The following XKR4 variants were observed in gnomAD, a reference collection of about 807,000 sequenced individuals.
XKR4 encodes XK-related protein 4.
A neutral mutation model predicts 53.9 loss-of-function variants in XKR4; 12 were observed. The observed-to-expected ratio is 0.22, with a 90% CI of 0.14 to 0.36. The LOEUF is 0.36. Among genes scored for constraint, XKR4 ranks in the 10% least tolerant of loss-of-function variants. The pLI is 1.00. For synonymous variants in XKR4, 354 were observed against 362.4 expected (o/e 0.98, Z 0.26); for missense variants, 799 against 859.5 (o/e 0.93, Z 0.88).
chr8:55,170,086 T>G (rs752126082), intron 1 of XKR4, among the ~76,000 whole-genome samples: 1 of 152,210 alleles, frequency 6.6e-6, no homozygotes, highest in Non-Finnish European at 1.5e-5. Context: ...ATATTCTTTA[T>G]GTACTTCAAC....
At chr8:55,328,182 C>G (rs1350702490) in intron 1 of XKR4, among the ~76,000 whole-genome samples, 1 of 152,090 alleles carries the variant, frequency 6.6e-6, no homozygotes, top group African/African-American at 2.4e-5. Flanking sequence ...GCCCTTGACA[C>G]GTGGAGGTTA....
In XKR4 at chr8:55,452,454, C is replaced by G. The variant is rs911361507; in HGVS notation, c.1007-70827C>G. On this transcript the variant is annotated intron_variant, in intron 2 of 2. Transcript: ENST00000327381. The stretch of plus-strand genomic sequence containing the variant: ...CCACCCCGCACTGCCCGCCCTCGCA[C>G]CCTCCTCACGCCCATCCGGTGGCAG... 4.8e-6 allele frequency: 3 copies of G among 628,542 alleles called. No individual in the cohort carries two copies. In the African/African-American group the frequency reaches 5.4e-5, roughly 11 times the overall value. The allele number at this position is 628,542 out of a possible 1,614,324, so 38.9% of individuals were successfully genotyped here. A position where few individuals can be genotyped will look rare whatever the true frequency, so the allele number is the denominator to read the frequency against.
At chr8:55,418,321 C>T (rs1804878989) in intron 2 of XKR4, among the ~76,000 whole-genome samples, 2 of 152,182 alleles carry the variant, frequency 1.3e-5, no homozygotes, top group Non-Finnish European at 2.9e-5. Flanking sequence ...CCTGATGGTT[C>T]TCTGCAAACA....
intron 1 of XKR4, among the ~76,000 whole-genome samples, chr8:55,280,108 A>C (rs1818820373): frequency 6.6e-6 from 1 of 152,208 alleles, no homozygotes; most frequent in Non-Finnish European, 1.5e-5. Context: ...CCCACTTTTC[A>C]AATTAAAATG....
chr8:55,341,340 CT>C (rs1407649099), intron 1 of XKR4, among the ~76,000 whole-genome samples: 2 of 152,130 alleles, frequency 1.3e-5, no homozygotes, highest in Admixed American at 6.5e-5. Flanking sequence ...CCCATTCCCA[CT>C]TTTCATTGGC....
intron 2 of XKR4, among the ~76,000 whole-genome samples, chr8:55,374,887 G>A (rs1020797072): frequency 4.6e-5 from 7 of 152,236 alleles, no homozygotes; most frequent in Admixed American, 1.3e-4. Context: ...CAGAGCACAC[G>A]TTTTAGGACA....
chr8:55,188,931 A>G (rs1400018886), intron 1 of XKR4, among the ~76,000 whole-genome samples: 1 of 152,220 alleles, frequency 6.6e-6, no homozygotes, highest in Admixed American at 6.5e-5. Context: ...GGTTATTATT[A>G]TTTATTCAGC....
intron 1 of XKR4, among the ~76,000 whole-genome samples, chr8:55,123,997 C>A (rs1816427587): frequency 6.6e-6 from 1 of 152,154 alleles, no homozygotes; most frequent in Non-Finnish European, 1.5e-5. Flanking sequence ...GTATAGCAAT[C>A]CCATGAGATC....
At chr8:55,343,037 A>C (rs1803580738) in intron 1 of XKR4, among the ~76,000 whole-genome samples, 1 of 152,212 alleles carries the variant, frequency 6.6e-6, no homozygotes. Context: ...TTTTGTCTGT[A>C]GGCACAATGC....
chr8:55,195,054 A>G (rs536240772), intron 1 of XKR4, among the ~76,000 whole-genome samples: 3 of 152,352 alleles, frequency 2.0e-5, no homozygotes, highest in African/African-American at 7.2e-5. Context: ...ATTTATGCGA[A>G]CAAGATTTTT....
intron 2 of XKR4, among the ~76,000 whole-genome samples, chr8:55,482,545 A>G (rs1806126617): frequency 7.0e-6 from 1 of 142,930 alleles, no homozygotes; most frequent in Admixed American, 6.8e-5. Flanking sequence ...TTAAAGTATA[A>G]TAATGATAAA....
intron 1 of XKR4, among the ~76,000 whole-genome samples, chr8:55,171,281 T>C (rs1446324083): frequency 1.3e-5 from 2 of 152,174 alleles, no homozygotes; most frequent in African/African-American, 4.8e-5. Context: ...TGATAGAAAA[T>C]GTGTCCTTAC....
intron 1 of XKR4, among the ~76,000 whole-genome samples, chr8:55,134,699 A>G (rs1191179924): frequency 6.6e-6 from 1 of 152,192 alleles, no homozygotes; most frequent in Non-Finnish European, 1.5e-5. Flanking sequence ...CTTCATTTGT[A>G]TGTGGAGTAA....
At chr8:55,323,493 G>A (rs1054264457) in intron 1 of XKR4, among the ~76,000 whole-genome samples, 1 of 152,130 alleles carries the variant, frequency 6.6e-6, no homozygotes, top group Non-Finnish European at 1.5e-5. Context: ...CTTGAGATTT[G>A]AGATTTAGCC....
At chr8:55,395,873 C>A (rs1038580918) in intron 2 of XKR4, among the ~76,000 whole-genome samples, 1 of 152,156 alleles carries the variant, frequency 6.6e-6, no homozygotes, top group Non-Finnish European at 1.5e-5. Context: ...CAACAACAGA[C>A]ATTTATTTCT....
At chr8:55,399,462 C>A (rs1371037228) in intron 2 of XKR4, among the ~76,000 whole-genome samples, 1 of 152,308 alleles carries the variant, frequency 6.6e-6, no homozygotes, top group South Asian at 2.1e-4. Context: ...GCAGAATAGT[C>A]CCCATAATCT....
intron 1 of XKR4, among the ~76,000 whole-genome samples, chr8:55,153,085 G>A (rs1016105506): frequency 6.6e-6 from 1 of 152,120 alleles, no homozygotes; most frequent in African/African-American, 2.4e-5. Context: ...CTCACGCTGG[G>A]TTGACCTTAG....
At chr8:55,125,611 T>A (rs1295737016) in intron 1 of XKR4, among the ~76,000 whole-genome samples, 1 of 152,158 alleles carries the variant, frequency 6.6e-6, no homozygotes, top group African/African-American at 2.4e-5. Context: ...GGAAAAGCCA[T>A]AAACAGTCCA....
At position 55,529,060 on chromosome 8, in the gene XKR4, C is replaced by T. The variant is rs1236112613; in HGVS notation, c.*4833C>T. On this transcript the variant is annotated 3_prime_UTR_variant, in exon 3 of 3. Coordinates refer to ENST00000327381, the MANE Select transcript of XKR4 (RefSeq NM_052898.2). Reference sequence around the variant, plus strand: ...ATGGGCATGTGGCAAGACTCTCAATCTACAGCCTCGACAGTATCATTACTC... The same window carrying T: ...ATGGGCATGTGGCAAGACTCTCAATTTACAGCCTCGACAGTATCATTACTC... 6.7e-6 allele frequency: 1 copy of T among 150,058 alleles called. No individual in the cohort carries two copies. The highest frequency in any genetic ancestry group is 2.5e-5 in the African/African-American group (1 of 40,530). The allele number at this position is 150,058 out of a possible 1,614,324, so 9.3% of individuals were successfully genotyped here.
Sources: allele counts gnomAD v4.1 joint callset (sites outside exome capture counted in the v4.1 genomes callset), GRCh38; gene constraint gnomAD v4.1.1; transcripts MANE v1.5; gene names NCBI Gene and HGNC (gene_info 2026-07-23, HGNC 2026-07-21).